The following RPL39 variants were observed in gnomAD, a reference collection of about 807,000 sequenced individuals.
The protein encoded by RPL39 is large ribosomal subunit protein eL39.
For synonymous variants in RPL39, 8 were observed against 11.4 expected (o/e 0.70, Z 0.60); for missense variants, 6 against 37.2 (o/e 0.16, Z 2.18).
intron 2 of RPL39, 43 bp downstream of exon 2, chrX:119,789,865 T>C: frequency 1.3e-6 from 1 of 743,415 alleles, no homozygotes; most frequent in African/African-American, 2.1e-5. Flanking sequence ...ACACAGTGGC[T>C]CTTACATTTA....
At chrX:119,787,063 A>G (rs1157567160) in intron 2 of RPL39, among the ~76,000 whole-genome samples, 5 of 108,784 alleles carry the variant, frequency 4.6e-5, no homozygotes, top group Non-Finnish European at 9.6e-5. Flanking sequence ...ACCCCCTCAT[A>G]ATGGGTCACA....
At chrX:119,791,540 CCA>C in intron 1 of RPL39, 32 bp downstream of exon 1, 1 of 1,121,782 alleles carries the variant, frequency 8.9e-7, no homozygotes, top group Non-Finnish European at 1.2e-6. Flanking sequence ...TTTTGGGAAG[CCA>C]CCCCGGGGCC....
At position 119,786,568 on chromosome X, in the gene RPL39, CAG is replaced by C; in HGVS notation, c.*114_*115del. ...CCAACCAACGTGTTCATAACAGATT[CAG>C]AGAGGAAAACACGTCGAAATCTCCA... On this transcript the variant is annotated 3_prime_UTR_variant, in exon 3 of 3. Coordinates refer to ENST00000361575, the MANE Select transcript of RPL39 (RefSeq NM_001000.4). The C allele has an allele frequency of 1.8e-6, 1 of 570,245 alleles. No individual in the cohort carries two copies. The highest frequency in any genetic ancestry group is 2.9e-6 in the Non-Finnish European group (1 of 344,460). The allele number at this position is 570,245 out of a possible 1,213,427, so 47.0% of individuals were successfully genotyped here.
chrX:119,787,116 T>TCGC (rs2055670580), intron 2 of RPL39, among the ~76,000 whole-genome samples: 1 of 110,081 alleles, frequency 9.1e-6, no homozygotes, highest in Non-Finnish European at 1.9e-5. Flanking sequence ...TGAGACAGAG[T>TCGC]CGCCCGCCCC....
At chrX:119,791,275 C>A in intron 1 of RPL39, 1 of 270,046 alleles carries the variant, frequency 3.7e-6, no homozygotes, top group Non-Finnish European at 6.9e-6. Flanking sequence ...GCCTCCAGAA[C>A]GAGTTCGCTA....
Position 119,790,017 on chromosome X carries a change from A to T in RPL39, c.4-6T>A. On this transcript the variant is annotated splice_polypyrimidine_tract_variant and splice_region_variant and intron_variant, in intron 1 of 2. Coordinates refer to ENST00000361575, the MANE Select transcript of RPL39 (RefSeq NM_001000.4). ...CTGAAAGTCTTGTGAGAAGACTGGG[A>T]AGAAAATGCAATCAATTTAGACAAT... 1 of 1,045,614 alleles carries T rather than the reference A, an allele frequency of 9.6e-7. No homozygotes were observed. The allele number at this position is 1,045,614 out of a possible 1,213,427, so 86.2% of individuals were successfully genotyped here. A position where few individuals can be genotyped will look rare whatever the true frequency, so the allele number is the denominator to read the frequency against.
chrX:119,789,656 C>T (rs1427869326), intron 2 of RPL39, among the ~76,000 whole-genome samples: 3 of 112,715 alleles, frequency 2.7e-5, no homozygotes, highest in Admixed American at 1.9e-4. Flanking sequence ...ACCTTATGAC[C>T]TAGCTCAGAC....
intron 2 of RPL39, among the ~76,000 whole-genome samples, chrX:119,788,259 C>T (rs763451319): frequency 8.9e-6 from 1 of 111,889 alleles, no homozygotes; most frequent in African/African-American, 3.2e-5. Flanking sequence ...TCTGGCTGGG[C>T]GCGGTGGCTC....
intron 2 of RPL39, chrX:119,787,560 G>C (rs1370529061): frequency 6.2e-6 from 2 of 324,630 alleles, no homozygotes; most frequent in Non-Finnish European, 1.2e-5. Flanking sequence ...TGGGTCAAGG[G>C]TATATAATCT....
chrX:119,789,277 C>A (rs2055686045), intron 2 of RPL39, among the ~76,000 whole-genome samples: 1 of 111,843 alleles, frequency 8.9e-6, no homozygotes, highest in Admixed American at 9.5e-5. Context: ...AAAACAAAGG[C>A]CGGGCACAAT....
chrX:119,790,027 A>C lies in RPL39; in HGVS notation c.4-16T>G, dbSNP rs112273494. The C allele has an allele frequency of 4.7e-3, 4,660 of 997,719 alleles. 16 individuals carry two copies. Among genetic ancestry groups the C allele is most frequent in the Middle Eastern group, 6.9e-3 (27 of 3,910 alleles). 82.2% of individuals were successfully genotyped at this position (997,719 alleles called of 1,213,427 possible). A position where few individuals can be genotyped will look rare whatever the true frequency, so the allele number is the denominator to read the frequency against. The stretch of plus-strand genomic sequence containing the variant: ...TGTGAGAAGACTGGGAAGAAAATGC[A>C]ATCAATTTAGACAATATTAGAGCCT... On this transcript the variant is annotated splice_polypyrimidine_tract_variant and intron_variant, in intron 1 of 2. Transcript: ENST00000361575.
At chrX:119,789,549 TC>T (rs1355353718) in intron 2 of RPL39, among the ~76,000 whole-genome samples, 1 of 109,896 alleles carries the variant, frequency 9.1e-6, no homozygotes, top group East Asian at 2.8e-4. Context: ...AGAGCGAGAC[TC>T]CGTCTCAAAA....
chrX:119,789,078 AAC>A (rs989132168), intron 2 of RPL39, among the ~76,000 whole-genome samples: 6 of 111,120 alleles, frequency 5.4e-5, no homozygotes, highest in African/African-American at 9.8e-5. Flanking sequence ...CAGCTTGGGC[AAC>A]ACAGAGAGAC....
intron 2 of RPL39, 81 bp downstream of exon 2, chrX:119,789,827 T>C (rs2055689671): frequency 3.6e-6 from 2 of 550,444 alleles, no homozygotes; most frequent in East Asian, 6.6e-5. Flanking sequence ...TAATCATGTA[T>C]TTATACTCAA....
rs575598140 is a variant in RPL39 at position 119,787,907 on chromosome X, G to A, written c.108-1175C>T. Among the ~76,000 whole-genome samples the A allele has an allele frequency of 9.0e-5, 10 of 111,209 alleles. No individual in the cohort carries two copies. The South Asian group carries it at 2.3e-3, about 25-fold the overall frequency. On this transcript the variant is annotated intron_variant, in intron 2 of 2. Coordinates refer to ENST00000361575, the MANE Select transcript of RPL39 (RefSeq NM_001000.4). ...TCCTGGCCTCAAGCAATCCTCCTGC[G>A]TTGGCCTCTCCCAAAGTGCTGGGAT...
chrX:119,789,812 A>G (rs1198939326), intron 2 of RPL39, 96 bp downstream of exon 2: 2 of 503,884 alleles, frequency 4.0e-6, no homozygotes, highest in Non-Finnish European at 7.0e-6. Context: ...GATTGCATGC[A>G]ATTTTAATCA....
At chrX:119,791,263 C>G in intron 1 of RPL39, 1 of 263,271 alleles carries the variant, frequency 3.8e-6, no homozygotes, top group Non-Finnish European at 7.1e-6. Flanking sequence ...CTCCCACCCC[C>G]CGCCTCCAGA....
chrX:119,789,532 G>C (rs2055687486), intron 2 of RPL39, among the ~76,000 whole-genome samples: 1 of 111,827 alleles, frequency 8.9e-6, no homozygotes, highest in Non-Finnish European at 1.9e-5. Context: ...ACTCCAGCCC[G>C]GGTAACAGAG....
intron 2 of RPL39, chrX:119,787,409 A>G (rs1438962602): frequency 8.0e-6 from 3 of 375,401 alleles, no homozygotes; most frequent in South Asian, 7.0e-5. Context: ...ATCAAAAATG[A>G]TTAACACGGC....
Sources: gnomAD v4.1 joint callset for allele counts (sites outside exome capture counted in the v4.1 genomes callset) on GRCh38, gnomAD v4.1.1 for gene constraint, MANE v1.5 for transcripts, NCBI Gene and HGNC (gene_info 2026-07-23, HGNC 2026-07-21) for gene names.